TMPRSS15: variants seen among roughly 807,000 people sequenced by gnomAD.
TMPRSS15 encodes enteropeptidase.
In TMPRSS15, 128 loss-of-function variants were observed where a neutral mutation model predicts 125.3. The ratio of observed to expected loss-of-function variants is 1.02; its 90% confidence interval spans 0.89 to 1.18. The LOEUF (loss-of-function observed/expected upper bound fraction) is 1.18. TMPRSS15 is among the 50% of genes most tolerant of loss of function. The pLI, the probability that TMPRSS15 is intolerant of heterozygous loss-of-function variation, is 0.00. For missense variants in TMPRSS15, 1,283 were observed against 1,212.7 expected (o/e 1.06, Z -0.86); for synonymous variants, 446 against 423.2 (o/e 1.05, Z -0.66).
chr21:18,482,359 T>A (rs1273093917), intron 1 of TMPRSS15, among the ~76,000 whole-genome samples: 1 of 151,462 alleles, frequency 6.6e-6, no homozygotes, highest in Admixed American at 6.6e-5. Flanking sequence ...ATTATTAGTT[T>A]TCTTTAGACA....
chr21:18,425,217 T>C (rs991963775), intron 1 of TMPRSS15, among the ~76,000 whole-genome samples: 4 of 152,094 alleles, frequency 2.6e-5, no homozygotes, highest in African/African-American at 9.6e-5. Context: ...ACTATTCTTA[T>C]GGAAATTTTC....
chr21:18,407,308 T>A (rs1006877945), upstream of TMPRSS15, among the ~76,000 whole-genome samples: 4 of 152,090 alleles, frequency 2.6e-5, no homozygotes, highest in South Asian at 2.1e-4. Context: ...TCTGCATTTT[T>A]AAAAAAATAG....
At chr21:18,305,281 C>T (rs1162462707) in intron 18 of TMPRSS15, among the ~76,000 whole-genome samples, 6 of 150,192 alleles carry the variant, frequency 4.0e-5, no homozygotes, top group Admixed American at 6.7e-5. Context: ...CTCCGCCTCC[C>T]GGGTTCACGC....
At chr21:18,456,145 A>G (rs142199066) in intron 1 of TMPRSS15, among the ~76,000 whole-genome samples, 1,702 of 152,248 alleles carry the variant, frequency 0.011, 30 homozygotes, top group African/African-American at 0.039. Flanking sequence ...GATAATACAG[A>G]ATTATTTAAT....
chr21:18,394,635 T>C (rs1490982721), intron 3 of TMPRSS15, among the ~76,000 whole-genome samples: 1 of 151,124 alleles, frequency 6.6e-6, no homozygotes, highest in Admixed American at 6.6e-5. Flanking sequence ...ATATAAACTG[T>C]ACAGAGATAC....
At chr21:18,449,941 A>G (rs781273031) in intron 1 of TMPRSS15, among the ~76,000 whole-genome samples, 1 of 152,034 alleles carries the variant, frequency 6.6e-6, no homozygotes, top group African/African-American at 2.4e-5. Context: ...TAGAAAACAC[A>G]TAAAAAAGAA....
At chr21:18,343,768 G>T in intron 11 of TMPRSS15, 112 bp from the exon 12 acceptor site, 1 of 1,362,868 alleles carries the variant, frequency 7.3e-7, no homozygotes, top group South Asian at 1.2e-5. Flanking sequence ...TTTCCTTCTG[G>T]GTTTTGGAGT....
chr21:18,371,701 AAC>A (rs1385904405), intron 6 of TMPRSS15, among the ~76,000 whole-genome samples: 4 of 152,166 alleles, frequency 2.6e-5, no homozygotes, highest in Non-Finnish European at 5.9e-5. Flanking sequence ...AAATAAAAGG[AAC>A]AGTCAAAATT....
chr21:18,316,720 C>A (rs2075171140), intron 16 of TMPRSS15, among the ~76,000 whole-genome samples: 1 of 152,142 alleles, frequency 6.6e-6, no homozygotes, highest in South Asian at 2.1e-4. Context: ...CTAGTGGAAA[C>A]ATTCCTTATT....
chr21:18,415,136 T>G (rs558812057), intron 1 of TMPRSS15, among the ~76,000 whole-genome samples: 7 of 152,274 alleles, frequency 4.6e-5, no homozygotes, highest in African/African-American at 1.7e-4. Flanking sequence ...TTTACACACC[T>G]GCTGGCCATT....
intron 13 of TMPRSS15, among the ~76,000 whole-genome samples, chr21:18,338,711 A>G (rs1048808357): frequency 7.4e-6 from 1 of 135,660 alleles, no homozygotes; most frequent in African/African-American, 2.9e-5. Context: ...AGAGACAGAG[A>G]CAGACAGAGA....
At chr21:18,346,664 A>G (rs1445946032) in intron 10 of TMPRSS15, among the ~76,000 whole-genome samples, 1 of 152,196 alleles carries the variant, frequency 6.6e-6, no homozygotes, top group East Asian at 1.9e-4. Context: ...CTGTTGCGCT[A>G]TCTCACCAGG....
At chr21:18,357,607 G>A (rs542275592) in intron 8 of TMPRSS15, among the ~76,000 whole-genome samples, 1 of 151,732 alleles carries the variant, frequency 6.6e-6, no homozygotes, top group East Asian at 1.9e-4. Context: ...AACCTTGTAA[G>A]CATCTTTCAC....
intron 1 of TMPRSS15, among the ~76,000 whole-genome samples, chr21:18,471,409 C>G (rs1009980756): frequency 2.0e-5 from 3 of 151,566 alleles, no homozygotes; most frequent in Non-Finnish European, 4.4e-5. Context: ...AGTTAATGGT[C>G]TAAATCTGTA....
At chr21:18,467,693 TTG>T (rs1978695270) in intron 1 of TMPRSS15, among the ~76,000 whole-genome samples, 1 of 151,826 alleles carries the variant, frequency 6.6e-6, no homozygotes, top group Non-Finnish European at 1.5e-5. Flanking sequence ...TGGGGGAAAA[TTG>T]TGTGTCTGTG....
chr21:18,481,389 A>G (rs1314930900), intron 1 of TMPRSS15, among the ~76,000 whole-genome samples: 4 of 151,818 alleles, frequency 2.6e-5, no homozygotes, highest in African/African-American at 7.2e-5. Context: ...GGTGTTATAC[A>G]TAATTTGTTT....
At chr21:18,383,851 A>G in intron 3 of TMPRSS15, 73 bp from the exon 4 acceptor site, 1 of 1,526,182 alleles carries the variant, frequency 6.6e-7, no homozygotes, top group Non-Finnish European at 8.9e-7. Context: ...TTCATGTTAA[A>G]TGTCTTTGAA....
At chr21:18,412,507 T>G (rs1813058995) in intron 1 of TMPRSS15, among the ~76,000 whole-genome samples, 1 of 152,216 alleles carries the variant, frequency 6.6e-6, no homozygotes, top group Non-Finnish European at 1.5e-5. Context: ...AAGTAAAAAT[T>G]TGCATTTCAT....
chr21:18,368,945 G>A (rs1374990856), intron 6 of TMPRSS15, among the ~76,000 whole-genome samples: 3 of 152,046 alleles, frequency 2.0e-5, no homozygotes, highest in Non-Finnish European at 4.4e-5. Context: ...GGATGTTTCT[G>A]GAGAACCTGA....
Sources: gnomAD v4.1 joint callset for allele counts (sites outside exome capture counted in the v4.1 genomes callset) on GRCh38, gnomAD v4.1.1 for gene constraint, MANE v1.5 for transcripts, NCBI Gene and HGNC (gene_info 2026-07-23, HGNC 2026-07-21) for gene names.